Variants in CACNA1C observed in about 807,000 individuals in gnomAD.
The protein encoded by CACNA1C is voltage-dependent L-type calcium channel subunit alpha-1C.
A neutral mutation model predicts 229.0 loss-of-function variants in CACNA1C; 30 were observed. The ratio of observed to expected loss-of-function variants is 0.13; its 90% CI spans 0.10 to 0.18. The LOEUF (loss-of-function observed/expected upper bound fraction) is 0.18. Among genes scored for constraint, CACNA1C ranks in the 10% least tolerant of loss-of-function variants. The pLI is 1.00. For missense variants in CACNA1C, 1,658 were observed against 2,845.0 expected, an observed-to-expected ratio of 0.58 and a Z score of 9.49; for synonymous variants, 1,114 against 1,132.5, an observed-to-expected ratio of 0.98 and a Z score of 0.33.
chr12:1,988,679 C>T (rs1439791389), intron 1 of CACNA1C, among the ~76,000 whole-genome samples: 2 of 152,116 alleles, frequency 1.3e-5, no homozygotes, highest in Non-Finnish European at 2.9e-5. Flanking sequence ...TAGGAGTGTG[C>T]TCACTCTGCC....
chr12:2,269,227 C>T (rs577120280), intron 3 of CACNA1C, among the ~76,000 whole-genome samples: 1 of 152,320 alleles, frequency 6.6e-6, no homozygotes, highest in Admixed American at 6.5e-5. Flanking sequence ...AATGCTCATT[C>T]TAGAGCCAGG....
Position 2,067,114 on chromosome 12 carries a change from A to G in CACNA1C, c.49+13503A>G, listed in dbSNP as rs1313488429. Among the ~76,000 whole-genome samples the G allele has an allele frequency of 6.6e-6, 1 of 152,148 alleles. No individual in the cohort carries two copies. The highest frequency in any genetic ancestry group is 1.5e-5 in the Non-Finnish European group (1 of 68,016). On this transcript the variant is annotated intron_variant, in intron 1 of 46. Transcript: ENST00000399655. The surrounding 1 kb of genome is among the most constrained non-coding windows in gnomAD (Gnocchi z 5.3). ...AGAAATGAATTTGGCAAAGTGAGAC[A>G]GCTGCTGACTAGGTCTGGGGGCAAA... is the stretch of plus-strand genomic sequence containing the variant.
intron 3 of CACNA1C, among the ~76,000 whole-genome samples, chr12:2,413,393 C>T (rs2098830168): frequency 6.6e-6 from 1 of 152,170 alleles, no homozygotes; most frequent in South Asian, 2.1e-4. Flanking sequence ...ACCATCTATC[C>T]TATCCCCATA....
chr12:2,146,257 G>A (rs559660284), intron 3 of CACNA1C, among the ~76,000 whole-genome samples: 1 of 151,138 alleles, frequency 6.6e-6, no homozygotes, highest in Non-Finnish European at 1.5e-5. Flanking sequence ...TTGAGAGAAG[G>A]GATAGAGGGC....
chr12:2,469,001 T>A (rs1261730216), intron 5 of CACNA1C, among the ~76,000 whole-genome samples: 3 of 152,340 alleles, frequency 2.0e-5, no homozygotes, highest in East Asian at 3.9e-4. Context: ...GTTAGTTAGT[T>A]TAGTTTTGTT....
chr12:2,053,443 C>T lies in CACNA1C; in HGVS notation c.-120C>T. 6.8e-7 allele frequency: 1 copy of T among 1,469,774 alleles called. No homozygotes were observed. Among genetic ancestry groups the T allele is most frequent in the Non-Finnish European group, 9.1e-7 (1 of 1,102,986 alleles). The allele number at this position is 1,469,774 out of a possible 1,614,324, so 91.0% of individuals were successfully genotyped here. ...AAGAAACGCTGCAGACCACGGCTTC[C>T]TCGAATCTTGCGCGAAAGCCGCCGG... On this transcript the variant is annotated 5_prime_UTR_variant, in exon 1 of 47. Coordinates refer to ENST00000399655, the MANE Select transcript of CACNA1C (RefSeq NM_000719.7). This position sits in a 1 kb window ranked among gnomAD's most constrained non-coding sequence, Gnocchi z 5.8.
At chr12:2,021,979 T>G (rs73042497) in intron 1 of CACNA1C, among the ~76,000 whole-genome samples, 15,107 of 152,200 alleles carry the variant, frequency 0.099, 814 homozygotes, top group Non-Finnish European at 0.12. Context: ...TGAATACATT[T>G]ATTGTGTTCA....
chr12:1,972,186 T>C (rs1420292321), intron 1 of CACNA1C, among the ~76,000 whole-genome samples: 1 of 152,230 alleles, frequency 6.6e-6, no homozygotes, highest in Non-Finnish European at 1.5e-5. Context: ...AAACCTCTTC[T>C]GGGCATCTAA....
chr12:2,094,477 G>A (rs2072920452), intron 1 of CACNA1C, among the ~76,000 whole-genome samples: 2 of 152,190 alleles, frequency 1.3e-5, no homozygotes, highest in African/African-American at 4.8e-5. Context: ...CTTTTGGGAA[G>A]CCTATTTCTT....
intron 1 of CACNA1C, among the ~76,000 whole-genome samples, chr12:2,017,070 C>T (rs1465877105): frequency 6.6e-6 from 1 of 152,004 alleles, no homozygotes; most frequent in East Asian, 1.9e-4. Context: ...CAATGAAGTA[C>T]AATGAAAAGT....
At position 2,677,152 on chromosome 12, in the gene CACNA1C, G is replaced by C. The variant is rs768891783; in HGVS notation, c.4887G>C (p.Arg1629=). The change falls in exon 40 of 47, where the codon CGG becomes CGC. Residue 1629 remains arginine (R), a synonymous_variant. Coordinates refer to ENST00000399655, the MANE Select transcript of CACNA1C (RefSeq NM_000719.7). This position sits in a 1 kb window ranked among gnomAD's most constrained non-coding sequence, Gnocchi z 7.4. ...CGTTCCTGATCCAGGAGTACTTCCG[G>C]AAGTTCAAGAAGCGCAAAGAGCAGG... The part of the protein sequence containing the change: ...YATFLIQEYF[R]KFKKRKEQGL... 1 of 1,613,806 alleles carries C rather than the reference G, an allele frequency of 6.2e-7. No individual in the cohort carries two copies.
chr12:2,006,184 C>T (rs943685488), intron 1 of CACNA1C, among the ~76,000 whole-genome samples: 21 of 151,972 alleles, frequency 1.4e-4, no homozygotes, highest in Non-Finnish European at 2.4e-4. Flanking sequence ...CTGAGGCGGG[C>T]GGATCACAAG....
intron 2 of CACNA1C, among the ~76,000 whole-genome samples, chr12:2,116,809 A>G (rs1210852657): frequency 2.0e-5 from 3 of 152,170 alleles, no homozygotes; most frequent in Non-Finnish European, 4.4e-5. Flanking sequence ...GGGAATTTTT[A>G]TAATAAGGAT....
chr12:2,299,341 G>T lies in CACNA1C; in HGVS notation c.478-149635G>T, dbSNP rs552614802. On this transcript the variant is annotated intron_variant, in intron 3 of 46. Transcript: ENST00000399655. ...CGTGCAGCCAAGGTTGAGGCCCACCGGGCTAAACTAAAAACGTTTTCCGGT... is the reference window on the plus strand; with the variant it reads ...CGTGCAGCCAAGGTTGAGGCCCACCTGGCTAAACTAAAAACGTTTTCCGGT... 6.2e-4 allele frequency among the ~76,000 whole-genome samples: 94 copies of T among 152,214 alleles called. 1 individual carries two copies. The highest frequency in any genetic ancestry group is 2.2e-3 in the African/African-American group (93 of 41,528).
chr12:2,666,485 C>A lies in CACNA1C; in HGVS notation c.4527-201C>A. The A allele has an allele frequency of 2.2e-6, 1 of 457,262 alleles. No individual in the cohort carries two copies. Among genetic ancestry groups the A allele is most frequent in the Non-Finnish European group, 3.9e-6 (1 of 259,548 alleles). 28.3% of individuals were successfully genotyped at this position (457,262 alleles called of 1,614,324 possible). ...TGGGCAGAAAATGATTCATTAAAAT[C>A]TAAACACGTGTATATGTATATTGGT... is the stretch of plus-strand genomic sequence containing the variant. On this transcript the variant is annotated intron_variant, in intron 36 of 46. Transcript: ENST00000399655. The surrounding 1 kb of genome is among the most constrained non-coding windows in gnomAD (Gnocchi z 5.3).
intron 3 of CACNA1C, among the ~76,000 whole-genome samples, chr12:2,399,715 G>A (rs2098649297): frequency 1.3e-5 from 2 of 152,234 alleles, no homozygotes; most frequent in South Asian, 4.1e-4. Context: ...ACAGGGATGT[G>A]AAGTTTTCAT....
intron 18 of CACNA1C, among the ~76,000 whole-genome samples, chr12:2,587,551 G>A (rs1296255313): frequency 6.6e-6 from 1 of 151,988 alleles, no homozygotes; most frequent in Non-Finnish European, 1.5e-5. Context: ...CTATACTCTT[G>A]GCTTTTCTTT....
intron 5 of CACNA1C, among the ~76,000 whole-genome samples, chr12:2,483,994 G>A (rs2099687378): frequency 6.6e-6 from 1 of 152,068 alleles, no homozygotes; most frequent in Non-Finnish European, 1.5e-5. Flanking sequence ...AATATTTACT[G>A]AGTGCCCACA....
intron 8 of CACNA1C, among the ~76,000 whole-genome samples, chr12:2,505,675 C>T (rs2099770017): frequency 1.3e-5 from 2 of 152,102 alleles, no homozygotes; most frequent in South Asian, 2.1e-4. Context: ...AGAAGTAGCA[C>T]GTGGTTGGAA....
Sources: gnomAD v4.1 joint callset for allele counts (sites outside exome capture counted in the v4.1 genomes callset) on GRCh38, gnomAD v4.1.1 for gene constraint, Gnocchi (gnomAD v3.1) non-coding constraint, MANE v1.5 for transcripts, NCBI Gene and HGNC (gene_info 2026-07-23, HGNC 2026-07-21) for gene names.